GALNT10: variants seen among roughly 807,000 people sequenced by gnomAD.
GALNT10 encodes polypeptide N-acetylgalactosaminyltransferase 10.
Under a neutral mutation model 75.0 loss-of-function variants are expected in GALNT10, and 41 were observed. The observed-to-expected ratio is 0.55, with a 90% confidence interval of 0.43 to 0.71. The LOEUF is 0.71. Ranked by LOEUF, GALNT10 falls within the 30% of genes least tolerant of loss-of-function variation. GALNT10 has a pLI of 0.00. For synonymous variants in GALNT10, 302 were observed against 313.0 expected, an observed-to-expected ratio of 0.96 and a Z score of 0.37; for missense variants, 727 against 818.5, an observed-to-expected ratio of 0.89 and a Z score of 1.36.
chr5:154,348,147 T>C (rs1048541514), intron 4 of GALNT10, among the ~76,000 whole-genome samples: 2 of 152,248 alleles, frequency 1.3e-5, no homozygotes. Context: ...CCTCCACGGC[T>C]CAAGCCCCAA....
At chr5:154,401,478 A>G (rs929900741) in intron 7 of GALNT10, among the ~76,000 whole-genome samples, 1 of 152,202 alleles carries the variant, frequency 6.6e-6, no homozygotes, top group Non-Finnish European at 1.5e-5. Flanking sequence ...AGGAAGAGTT[A>G]TTGTTATGGG....
At chr5:154,264,816 T>C (rs1399791636) in intron 1 of GALNT10, among the ~76,000 whole-genome samples, 1 of 152,190 alleles carries the variant, frequency 6.6e-6, no homozygotes, top group African/African-American at 2.4e-5. Flanking sequence ...ATCAATTGCA[T>C]TTCTAAGCCG....
At chr5:154,271,294 C>G (rs1753862100) in intron 1 of GALNT10, among the ~76,000 whole-genome samples, 1 of 151,856 alleles carries the variant, frequency 6.6e-6, no homozygotes, top group Admixed American at 6.6e-5. Context: ...TGATAAAACC[C>G]CGTCTCTGCT....
rs1469433758 is a variant in GALNT10 at position 154,417,705 on chromosome 5, T to C, written c.*733T>C. 6.6e-6 allele frequency: 1 copy of C among 152,300 alleles called. No homozygotes were observed. Among genetic ancestry groups the C allele is most frequent in the East Asian group, 1.9e-4 (1 of 5,194 alleles). 9.4% of individuals were successfully genotyped at this position (152,300 alleles called of 1,614,324 possible). ...GCTCTCTGGGTATTTGAAATGTCAATTTTAGCACTCTCCAGGCACAAGGAC... is the reference window on the plus strand; with the variant it reads ...GCTCTCTGGGTATTTGAAATGTCAACTTTAGCACTCTCCAGGCACAAGGAC... On this transcript the variant is annotated 3_prime_UTR_variant, in exon 12 of 12. Transcript: ENST00000297107.
intron 6 of GALNT10, among the ~76,000 whole-genome samples, chr5:154,383,028 G>A (rs371942649): frequency 1.3e-5 from 2 of 152,242 alleles, no homozygotes; most frequent in East Asian, 3.9e-4. Context: ...TTACACTGGA[G>A]TCTGGGGGTG....
At chr5:154,317,150 C>T (rs1339924127) in intron 3 of GALNT10, among the ~76,000 whole-genome samples, 4 of 152,174 alleles carry the variant, frequency 2.6e-5, no homozygotes, top group Non-Finnish European at 2.9e-5. Context: ...AGGATTTGAA[C>T]CCAGGTCCAG....
chr5:154,273,003 G>A (rs757027914), intron 1 of GALNT10, among the ~76,000 whole-genome samples: 4 of 152,182 alleles, frequency 2.6e-5, no homozygotes, highest in Non-Finnish European at 5.9e-5. Flanking sequence ...AGGAAAGGGG[G>A]CTGCAGATGG....
chr5:154,301,101 C>G (rs114111401), intron 3 of GALNT10, among the ~76,000 whole-genome samples: 1,735 of 152,260 alleles, frequency 0.011, 32 homozygotes, highest in African/African-American at 0.04. Context: ...TCTTTTTCAT[C>G]GAAGAGTCCT....
chr5:154,380,649 T>C lies in GALNT10; in HGVS notation c.938+18T>C, dbSNP rs1230615576. 1 of 1,584,092 alleles carries C rather than the reference T, an allele frequency of 6.3e-7. No individual in the cohort carries two copies. The highest frequency in any genetic ancestry group is 2.3e-5 in the East Asian group (1 of 44,342). Reference sequence around the variant, plus strand: ...CCATTTGAGTAAGTATGAACAACCCTGGCTGGTCCCAGTGGCTACCCAGTG... The same window carrying C: ...CCATTTGAGTAAGTATGAACAACCCCGGCTGGTCCCAGTGGCTACCCAGTG... On this transcript the variant is annotated intron_variant, in intron 6 of 11. Coordinates refer to ENST00000297107, the MANE Select transcript of GALNT10 (RefSeq NM_198321.4).
chr5:154,331,672 G>A (rs1468164866), intron 4 of GALNT10, among the ~76,000 whole-genome samples: 1 of 152,204 alleles, frequency 6.6e-6, no homozygotes. Flanking sequence ...AGGAAGGGGA[G>A]TCAGGGATGA....
At chr5:154,324,340 T>C (rs914644054) in intron 3 of GALNT10, among the ~76,000 whole-genome samples, 6 of 152,188 alleles carry the variant, frequency 3.9e-5, no homozygotes, top group Admixed American at 2.6e-4. Context: ...CAATGACTAA[T>C]TGATGCTTGG....
chr5:154,316,215 A>G (rs536412083), intron 3 of GALNT10, among the ~76,000 whole-genome samples: 2 of 152,330 alleles, frequency 1.3e-5, no homozygotes, highest in South Asian at 2.1e-4. Flanking sequence ...AACAGCAGAC[A>G]CTGGCTCCTT....
chr5:154,419,211 A>C lies in GALNT10; in HGVS notation c.*2239A>C, dbSNP rs1756581069. Reference sequence around the variant, plus strand: ...GACTGAGATGTCCCCCAAGGGTGACAGGTCAGATTTATTTCAGTCAGTGCA... The same window carrying C: ...GACTGAGATGTCCCCCAAGGGTGACCGGTCAGATTTATTTCAGTCAGTGCA... On this transcript the variant is annotated 3_prime_UTR_variant, in exon 12 of 12. Transcript: ENST00000297107. 6.6e-6 allele frequency: 1 copy of C among 151,750 alleles called. No homozygotes were observed. The highest frequency in any genetic ancestry group is 2.4e-5 in the African/African-American group (1 of 41,314). The allele number at this position is 151,750 out of a possible 1,614,324, so 9.4% of individuals were successfully genotyped here.
chr5:154,345,680 G>A (rs1161097002), intron 4 of GALNT10, among the ~76,000 whole-genome samples: 1 of 144,098 alleles, frequency 6.9e-6, no homozygotes, highest in Non-Finnish European at 1.5e-5. Context: ...TGTTGCCCAG[G>A]CTGGAGTGCA....
chr5:154,250,827 C>A (rs529813688), intron 1 of GALNT10, among the ~76,000 whole-genome samples: 1 of 152,166 alleles, frequency 6.6e-6, no homozygotes, highest in Non-Finnish European at 1.5e-5. Context: ...TCTCCCATAT[C>A]CTCTGCATAT....
intron 5 of GALNT10, among the ~76,000 whole-genome samples, chr5:154,379,103 T>A (rs541751925): frequency 6.6e-6 from 1 of 152,280 alleles, no homozygotes; most frequent in East Asian, 1.9e-4. Context: ...CTGATCCACA[T>A]GTGGGGGTAT....
At chr5:154,224,688 C>T (rs1000861266) in intron 1 of GALNT10, among the ~76,000 whole-genome samples, 3 of 151,580 alleles carry the variant, frequency 2.0e-5, no homozygotes, top group Admixed American at 6.6e-5. Context: ...TATGGAGTAT[C>T]TAATATGTTA....
intron 4 of GALNT10, among the ~76,000 whole-genome samples, chr5:154,336,191 T>G (rs1194396243): frequency 6.6e-6 from 1 of 152,206 alleles, no homozygotes; most frequent in Admixed American, 6.5e-5. Context: ...CTGAATAACA[T>G]TCCATTGTCT....
At chr5:154,334,851 G>T (rs1754918441) in intron 4 of GALNT10, among the ~76,000 whole-genome samples, 1 of 152,178 alleles carries the variant, frequency 6.6e-6, no homozygotes. Flanking sequence ...TAGTTCACAT[G>T]GTAGTGAGCT....
Sources: allele counts gnomAD v4.1 joint callset (sites outside exome capture counted in the v4.1 genomes callset), GRCh38; gene constraint gnomAD v4.1.1; transcripts MANE v1.5; gene names NCBI Gene and HGNC (gene_info 2026-07-23, HGNC 2026-07-21).